The following PLPPR1 variants were observed in gnomAD, a reference collection of about 807,000 sequenced individuals.
PLPPR1 encodes phospholipid phosphatase related 1.
PLPPR1 carries 10 observed loss-of-function variants against 33.1 expected under a neutral mutation model. That is an observed-to-expected ratio of 0.30 (90% CI 0.19 to 0.51). The LOEUF (loss-of-function observed/expected upper bound fraction) is 0.51. PLPPR1 is among the 20% of genes least tolerant of loss of function. The pLI is 0.97. For missense variants in PLPPR1, 304 were observed against 408.1 expected (o/e 0.74, Z 2.20); for synonymous variants, 151 against 151.0 (o/e 1.00, Z 0.00).
chr9:101,304,729 G>A (rs1257990927), intron 4 of PLPPR1, among the ~76,000 whole-genome samples: 10 of 152,148 alleles, frequency 6.6e-5, no homozygotes, highest in South Asian at 2.1e-4. Context: ...GAAAGCAGAC[G>A]TACACAGCCC....
At chr9:101,213,987 A>T (rs1826736318) in intron 2 of PLPPR1, among the ~76,000 whole-genome samples, 1 of 152,162 alleles carries the variant, frequency 6.6e-6, no homozygotes, top group Non-Finnish European at 1.5e-5. Context: ...GTTTACAGAG[A>T]AGTGTTTGGC....
intron 1 of PLPPR1, among the ~76,000 whole-genome samples, chr9:101,135,734 G>A (rs138062238): frequency 1.1e-4 from 16 of 152,304 alleles, no homozygotes; most frequent in African/African-American, 2.9e-4. Flanking sequence ...TATTGCTGCA[G>A]GAGTCCTTTC....
chr9:101,305,551 TTGCTCACCCCACCAACCTC>T (rs1828843496), intron 4 of PLPPR1, among the ~76,000 whole-genome samples: 1 of 152,148 alleles, frequency 6.6e-6, no homozygotes, highest in Non-Finnish European at 1.5e-5. Context: ...GGTCCTTCCT[TTGCTCACCCCACCAACCTC>T]TGCTAATTGT....
chr9:101,201,788 A>T (rs1826498083), intron 2 of PLPPR1, among the ~76,000 whole-genome samples: 1 of 152,130 alleles, frequency 6.6e-6, no homozygotes, highest in Non-Finnish European at 1.5e-5. Context: ...TATGTCATTT[A>T]TTCAACAACT....
rs1829078088 is a variant in PLPPR1, at chr9:101,317,430, TCCCCGTGGAGTA to T, written c.884_895del (p.Arg295_Pro298del). On this transcript the variant is annotated inframe_deletion, in exon 7 of 8. Coordinates refer to ENST00000374874, the MANE Select transcript of PLPPR1 (RefSeq NM_207299.2). Reference sequence around the variant, plus strand: ...CTCCTTCCAAACCCAAGCCTGAGGATCCCCGTGGAGTACCCCTAATGGCTTTCCCAAGGATAG... The same window carrying T: ...CTCCTTCCAAACCCAAGCCTGAGGATCCCCTAATGGCTTTCCCAAGGATAG... 6.2e-7 allele frequency: 1 copy of T among 1,613,880 alleles called. No homozygotes were observed. Among genetic ancestry groups the T allele is most frequent in the Non-Finnish European group, 8.5e-7 (1 of 1,179,934 alleles).
intron 2 of PLPPR1, among the ~76,000 whole-genome samples, chr9:101,266,530 C>A (rs1828002419): frequency 6.6e-6 from 1 of 152,140 alleles, no homozygotes; most frequent in Non-Finnish European, 1.5e-5. Context: ...TCAGTTCTGT[C>A]ACATAAGCTG....
chr9:101,309,460 C>T lies in PLPPR1; in HGVS notation c.635C>T (p.Thr212Met), dbSNP rs774975567. 1.4e-5 allele frequency: 22 copies of T among 1,613,458 alleles called. No homozygotes were observed. The highest frequency in any genetic ancestry group is 4.0e-5 in the African/African-American group (3 of 74,902). Residue 212 changes from threonine to methionine, a missense_variant and splice_region_variant, in exon 5 of 8, where the codon ACG becomes ATG. By Grantham distance (81) the Thr-to-Met change is moderately conservative (BLOSUM62 -1). Coordinates refer to ENST00000374874, the MANE Select transcript of PLPPR1 (RefSeq NM_207299.2). Reference sequence around the variant, plus strand: ...AGCATTTACTCCGCCTTATATGCCACGGTGAGTGTGCAAGTCTTGTCTCTC... The same window carrying T: ...AGCATTTACTCCGCCTTATATGCCATGGTGAGTGTGCAAGTCTTGTCTCTC... Reference protein sequence around the residue: ...ALSIYSALYATMYITSTIKTK... With the variant: ...ALSIYSALYAMMYITSTIKTK...
At position 101,309,453 on chromosome 9, in the gene PLPPR1, T is replaced by C; in HGVS notation, c.628T>C (p.Tyr210His). The C allele has an allele frequency of 1.9e-6, 3 of 1,614,042 alleles. No homozygotes were observed. Among genetic ancestry groups the C allele is most frequent in the East Asian group, 2.2e-5 (1 of 44,874 alleles). Residue 210 changes from tyrosine (Y) to histidine (H), a missense_variant, in exon 5 of 8, where the codon TAT becomes CAT. Tyr to His is a moderately conservative substitution (Grantham distance 83, BLOSUM62 2). Coordinates refer to ENST00000374874, the MANE Select transcript of PLPPR1 (RefSeq NM_207299.2). Reference protein sequence around the residue: ...HAALSIYSALYATMYITSTIK... With the variant: ...HAALSIYSALHATMYITSTIK... ...TGCTCTGAGCATTTACTCCGCCTTA[T>C]ATGCCACGGTGAGTGTGCAAGTCTT...
At chr9:101,133,241 T>C (rs1831335581) in intron 1 of PLPPR1, among the ~76,000 whole-genome samples, 1 of 152,204 alleles carries the variant, frequency 6.6e-6, no homozygotes, top group Non-Finnish European at 1.5e-5. Flanking sequence ...TATACTTTAA[T>C]ATTATTTTCT....
chr9:101,078,072 T>G, intron 1 of PLPPR1, among the ~76,000 whole-genome samples: 4 of 100,322 alleles, frequency 4.0e-5, no homozygotes, highest in Admixed American at 2.2e-4. Flanking sequence ...GAAAAGAGAG[T>G]CTGGAATGGA....
chr9:101,052,385 T>TAG (rs1830232411), intron 1 of PLPPR1, among the ~76,000 whole-genome samples: 1 of 152,164 alleles, frequency 6.6e-6, no homozygotes, highest in Non-Finnish European at 1.5e-5. Flanking sequence ...GTCTAGTGTA[T>TAG]AGAAGCTTGA....
intron 2 of PLPPR1, among the ~76,000 whole-genome samples, chr9:101,192,803 G>A (rs987990844): frequency 2.0e-5 from 3 of 152,074 alleles, no homozygotes; most frequent in Admixed American, 6.6e-5. Flanking sequence ...ACTGAATAAG[G>A]CTTCAAACAA....
chr9:101,135,709 A>G (rs1344065114), intron 1 of PLPPR1, among the ~76,000 whole-genome samples: 1 of 152,206 alleles, frequency 6.6e-6, no homozygotes, highest in African/African-American at 2.4e-5. Context: ...CCTCCGGCTT[A>G]AAGGTTGCAG....
chr9:101,301,210 T>C (rs1436986325), intron 4 of PLPPR1, among the ~76,000 whole-genome samples: 2 of 152,210 alleles, frequency 1.3e-5, no homozygotes, highest in Non-Finnish European at 2.9e-5. Context: ...CTTATCGCAT[T>C]GTAAAAGGTG....
chr9:101,219,774 G>A (rs1330039706), intron 2 of PLPPR1, among the ~76,000 whole-genome samples: 1 of 152,116 alleles, frequency 6.6e-6, no homozygotes, highest in Non-Finnish European at 1.5e-5. Context: ...GGGTAATCAA[G>A]CTCACACTTT....
At chr9:101,034,463 A>G (rs1564126384) in intron 1 of PLPPR1, among the ~76,000 whole-genome samples, 1 of 152,154 alleles carries the variant, frequency 6.6e-6, no homozygotes, top group Non-Finnish European at 1.5e-5. Context: ...TTTATGTAGC[A>G]CAGCGGTTAA....
chr9:101,190,174 T>A (rs1826271630), intron 2 of PLPPR1, among the ~76,000 whole-genome samples: 1 of 152,126 alleles, frequency 6.6e-6, no homozygotes, highest in South Asian at 2.1e-4. Flanking sequence ...ACAGGTGGAT[T>A]ATATAGAACA....
intron 3 of PLPPR1, among the ~76,000 whole-genome samples, chr9:101,282,816 T>C (rs1828327410): frequency 6.6e-6 from 1 of 152,100 alleles, no homozygotes; most frequent in Non-Finnish European, 1.5e-5. Flanking sequence ...AAAAAATACT[T>C]AGGAATTTAA....
intron 6 of PLPPR1, among the ~76,000 whole-genome samples, chr9:101,315,696 T>C (rs751234117): frequency 2.6e-5 from 4 of 152,136 alleles, no homozygotes; most frequent in Non-Finnish European, 5.9e-5. Flanking sequence ...GACCACCCTG[T>C]TGGCACATGC....
Sources: gnomAD v4.1 joint callset for allele counts (sites outside exome capture counted in the v4.1 genomes callset) on GRCh38, gnomAD v4.1.1 for gene constraint, MANE v1.5 for transcripts, NCBI Gene and HGNC (gene_info 2026-07-23, HGNC 2026-07-21) for gene names.